Variants in KDM6A observed in about 807,000 individuals in gnomAD.
The protein encoded by KDM6A is lysine demethylase 6A.
KDM6A carries 11 observed loss-of-function variants against 117.6 expected under a neutral mutation model. The observed-to-expected ratio is 0.09, with a 90% CI of 0.06 to 0.15. The LOEUF is 0.15. Ranked by LOEUF, KDM6A falls within the 10% of genes least tolerant of loss-of-function variation. The pLI is 1.00. For synonymous variants in KDM6A, 384 were observed against 396.1 expected (o/e 0.97, Z 0.36); for missense variants, 799 against 1,077.3 (o/e 0.74, Z 3.62).
chrX:45,079,585 C>T (rs945723818), intron 21 of KDM6A, among the ~76,000 whole-genome samples: 18 of 111,851 alleles, frequency 1.6e-4, no homozygotes, highest in Non-Finnish European at 1.5e-4. Context: ...CATCTGTCGC[C>T]TAGGCTAGAG....
chrX:44,941,269 T>G (rs143531542), intron 2 of KDM6A, among the ~76,000 whole-genome samples: 4,233 of 110,871 alleles, frequency 0.038, 214 homozygotes, highest in African/African-American at 0.13. Context: ...TTAATGAAAA[T>G]AATTTTGACC....
chrX:44,888,751 G>C (rs2033102296), intron 2 of KDM6A, among the ~76,000 whole-genome samples: 1 of 111,454 alleles, frequency 9.0e-6, no homozygotes, highest in African/African-American at 3.3e-5. Flanking sequence ...CTTACAGTTG[G>C]GATTGTTATT....
intron 4 of KDM6A, among the ~76,000 whole-genome samples, chrX:45,001,201 C>T (rs1378093156): frequency 1.8e-5 from 2 of 111,411 alleles, no homozygotes; most frequent in Admixed American, 1.9e-4. Context: ...CCTCAGCCCC[C>T]ATACCATAAA....
intron 2 of KDM6A, among the ~76,000 whole-genome samples, chrX:44,925,274 A>G (rs1277268822): frequency 9.0e-6 from 1 of 111,271 alleles, no homozygotes; most frequent in East Asian, 2.8e-4. Context: ...CCTCTGGGAA[A>G]CAGCACTTCT....
chrX:45,051,117 C>T (rs2043825694), intron 8 of KDM6A, among the ~76,000 whole-genome samples: 1 of 111,564 alleles, frequency 9.0e-6, no homozygotes, highest in Non-Finnish European at 1.9e-5. Context: ...TCAAGCGATT[C>T]TCCTGCCTCA....
At chrX:44,902,849 G>A (rs1049400365) in intron 2 of KDM6A, among the ~76,000 whole-genome samples, 1 of 111,900 alleles carries the variant, frequency 8.9e-6, no homozygotes, top group Non-Finnish European at 1.9e-5. Context: ...ATCTAGTGAA[G>A]GCTAGCTTTC....
chrX:45,006,303 TG>T (rs2041483398), intron 4 of KDM6A, among the ~76,000 whole-genome samples: 1 of 107,617 alleles, frequency 9.3e-6, no homozygotes, highest in Non-Finnish European at 1.9e-5. Context: ...GGGAGGGGAA[TG>T]TAATCATGGG....
At chrX:45,109,958 C>T in intron 28 of KDM6A, 121 bp from the exon 29 acceptor site, 8 of 664,472 alleles carry the variant, frequency 1.2e-5, no homozygotes, top group Non-Finnish European at 1.6e-5. Flanking sequence ...TTCTTACCAC[C>T]TACTCTTAAC....
intron 5 of KDM6A, among the ~76,000 whole-genome samples, chrX:45,012,197 A>ATTTTTTTTTTTTT (rs760991442): frequency 3.6e-4 from 25 of 69,070 alleles, no homozygotes; most frequent in African/African-American, 1.2e-3. Flanking sequence ...CCCAATGTAG[A>ATTTTTTTTTTTTT]TTTTTTTTTT....
chrX:44,940,020 CA>C (rs2037203294), intron 2 of KDM6A, among the ~76,000 whole-genome samples: 1 of 111,936 alleles, frequency 8.9e-6, no homozygotes, highest in South Asian at 3.7e-4. Flanking sequence ...CAATTATCCC[CA>C]AAGTATGCTT....
At position 45,061,416 on chromosome X, in the gene KDM6A, A is replaced by G; in HGVS notation, c.1578A>G (p.Leu526=). Residue 526 remains leucine, a synonymous_variant, in exon 15 of 30, where the codon TTA becomes TTG. Coordinates refer to ENST00000611820, the MANE Select transcript of KDM6A (RefSeq NM_001291415.2). ...AHSWCLTPQK[L]QHLEQLRANR... ...CATGGTGTTTGACACCACAGAAATT[A>G]CAGGTATGTAAGATGTTTTTGACAA... 1 of 1,078,063 alleles carries G rather than the reference A, an allele frequency of 9.3e-7. No homozygotes were observed. Among genetic ancestry groups the G allele is most frequent in the Non-Finnish European group, 1.3e-6 (1 of 779,391 alleles). 88.8% of individuals were successfully genotyped at this position (1,078,063 alleles called of 1,213,427 possible).
chrX:44,887,828 C>A (rs2033015372), intron 2 of KDM6A, among the ~76,000 whole-genome samples: 1 of 110,709 alleles, frequency 9.0e-6, no homozygotes, highest in African/African-American at 3.3e-5. Flanking sequence ...TATAGAGTGA[C>A]CCCTGGTCTC....
intron 27 of KDM6A, among the ~76,000 whole-genome samples, chrX:45,095,739 G>T (rs975845341): frequency 9.0e-6 from 1 of 111,694 alleles, no homozygotes; most frequent in African/African-American, 3.3e-5. Flanking sequence ...GCCACCCACA[G>T]CAGTTTGGCT....
intron 4 of KDM6A, among the ~76,000 whole-genome samples, chrX:45,001,085 G>A (rs1455579345): frequency 8.9e-6 from 1 of 112,118 alleles, no homozygotes; most frequent in African/African-American, 3.2e-5. Context: ...TGGAGGAGGA[G>A]CAATTGTTCT....
rs2044213692 is a variant in KDM6A, at chrX:45,059,429, A to G, written c.1157A>G (p.Asn386Ser). 4 of 1,207,710 alleles carry G rather than the reference A, an allele frequency of 3.3e-6. No homozygotes were observed. The highest frequency in any genetic ancestry group is 4.5e-6 in the Non-Finnish European group (4 of 893,416). ...LNATRSKSCS[N>S]TSALAARIKY... ...GCAACTAGAAGCAAAAGTTGTAGTA[A>G]TACCTCTGCACTTGCAGCACGAATT... is the stretch of plus-strand genomic sequence containing the variant. Residue 386 changes from asparagine (N) to serine (S), a missense_variant, in exon 12 of 30, where the codon AAT becomes AGT. Physicochemically the swap from Asn to Ser is conservative, Grantham distance 46. Transcript: ENST00000611820.
At chrX:45,027,940 C>T (rs1378802999) in intron 6 of KDM6A, among the ~76,000 whole-genome samples, 1 of 110,103 alleles carries the variant, frequency 9.1e-6, no homozygotes, top group Non-Finnish European at 1.9e-5. Flanking sequence ...ATTACAGGTG[C>T]ATGCCACCAC....
intron 27 of KDM6A, among the ~76,000 whole-genome samples, chrX:45,094,814 G>A (rs748139993): frequency 1.7e-4 from 19 of 111,374 alleles, no homozygotes; most frequent in African/African-American, 4.2e-4. Flanking sequence ...ATGTATATAC[G>A]ATACAACTGC....
At chrX:45,036,112 T>TAAAA (rs2042803686) in intron 7 of KDM6A, among the ~76,000 whole-genome samples, 1 of 111,768 alleles carries the variant, frequency 8.9e-6, no homozygotes, top group Non-Finnish European at 1.9e-5. Context: ...GTTACTTTTT[T>TAAAA]GTTTTTGTTT....
chrX:44,918,108 A>G (rs1052242321), intron 2 of KDM6A, among the ~76,000 whole-genome samples: 1 of 111,621 alleles, frequency 9.0e-6, no homozygotes, highest in Non-Finnish European at 1.9e-5. Flanking sequence ...GGCTTGTTCA[A>G]ACATCTCTGA....
Sources: allele counts gnomAD v4.1 joint callset (sites outside exome capture counted in the v4.1 genomes callset), GRCh38; gene constraint gnomAD v4.1.1; transcripts MANE v1.5; gene names NCBI Gene and HGNC (gene_info 2026-07-23, HGNC 2026-07-21).